The following PELI1 variants were observed in gnomAD, a reference collection of about 807,000 sequenced individuals.
The protein encoded by PELI1 is E3 ubiquitin-protein ligase pellino homolog 1.
PELI1 carries 15 observed loss-of-function variants against 41.3 expected under a neutral mutation model. That is an observed-to-expected ratio of 0.36 (90% confidence interval 0.24 to 0.56). PELI1 has a LOEUF of 0.56. Ranked by LOEUF, PELI1 falls within the 20% of genes least tolerant of loss-of-function variation. The pLI, the probability that PELI1 is intolerant of heterozygous loss-of-function variation, is 0.82. For synonymous variants in PELI1, 178 were observed against 180.1 expected (o/e 0.99, Z 0.09); for missense variants, 403 against 525.5 (o/e 0.77, Z 2.28).
intron 1 of PELI1, among the ~76,000 whole-genome samples, chr2:64,129,309 A>G (rs149674529): frequency 3.3e-5 from 5 of 152,328 alleles, no homozygotes; most frequent in African/African-American, 7.2e-5. Flanking sequence ...TTAGACAGCA[A>G]TAAGTTGTGA....
At position 64,093,944 on chromosome 2, in the gene PELI1, A is replaced by T. The variant is rs897657767; in HGVS notation, c.*758T>A. The T allele has an allele frequency of 6.6e-6, 1 of 152,662 alleles. No individual in the cohort carries two copies. The highest frequency in any genetic ancestry group is 1.5e-5 in the Non-Finnish European group (1 of 68,036). The allele number at this position is 152,662 out of a possible 1,614,324, so 9.5% of individuals were successfully genotyped here. ...CTAGATTAAATTGCATATCCAAAGG[A>T]GCATATAAAATGTTTCTTAGCATTA... is the stretch of plus-strand genomic sequence containing the variant. On this transcript the variant is annotated 3_prime_UTR_variant, in exon 7 of 7. Coordinates refer to ENST00000358912, the MANE Select transcript of PELI1 (RefSeq NM_020651.4).
intron 1 of PELI1, among the ~76,000 whole-genome samples, chr2:64,141,318 G>T (rs1374439104): frequency 1.5e-5 from 1 of 64,942 alleles, no homozygotes; most frequent in East Asian, 6.0e-4. Flanking sequence ...CCACCCCAAA[G>T]GAGCTCCTAA....
intron 1 of PELI1, 29 bp from the exon 2 acceptor site, chr2:64,108,408 G>A (rs952767613): frequency 1.3e-6 from 1 of 749,170 alleles, no homozygotes; most frequent in Non-Finnish European, 2.4e-6. Flanking sequence ...CATTAATAAT[G>A]TGAACAATTC....
Position 64,096,524 on chromosome 2 carries a change from T to C in PELI1, c.390A>G (p.Val130=), listed in dbSNP as rs771406083. 2 of 1,610,906 alleles carry C rather than the reference T, an allele frequency of 1.2e-6. No individual in the cohort carries two copies. The highest frequency in any genetic ancestry group is 2.2e-5 in the South Asian group (2 of 91,012). The part of the protein sequence containing the change: ...GSQSNSDTQS[V]QSTISRFACR... ...AGGCAAATCTTGATATAGTGCTTTG[T>C]ACTGACTGTGTATCAGAATTACTTT... The change falls in exon 5 of 7, where the codon GTA becomes GTG. Residue 130 remains valine (V), a synonymous_variant. Transcript: ENST00000358912.
intron 4 of PELI1, among the ~76,000 whole-genome samples, chr2:64,099,197 CACACAT>C (rs1553354345): frequency 2.0e-5 from 3 of 150,998 alleles, no homozygotes; most frequent in Non-Finnish European, 3.0e-5. Flanking sequence ...CACACACACA[CACACAT>C]ATATATTTAT....
At chr2:64,104,563 A>C in intron 3 of PELI1, 138 bp downstream of exon 3, 1 of 1,306,892 alleles carries the variant, frequency 7.7e-7, no homozygotes. Flanking sequence ...CCATGTCTCC[A>C]AAGTCTCTTC....
In PELI1 at chr2:64,137,964, A is replaced by G. The variant is rs564703167; in HGVS notation, c.-70+6117T>C. Among the ~76,000 whole-genome samples the G allele has an allele frequency of 7.2e-5, 11 of 152,314 alleles. No individual in the cohort carries two copies. In the East Asian group the frequency reaches 1.9e-3, roughly 27 times the overall value. ...CTCTAAAGTATAAGACTTATTTTAGATAAGTGTATAAAATATTTTTCCTTT... is the reference window on the plus strand; with the variant it reads ...CTCTAAAGTATAAGACTTATTTTAGGTAAGTGTATAAAATATTTTTCCTTT... On this transcript the variant is annotated intron_variant, in intron 1 of 6. Coordinates refer to ENST00000358912, the MANE Select transcript of PELI1 (RefSeq NM_020651.4).
intron 1 of PELI1, among the ~76,000 whole-genome samples, chr2:64,122,681 G>A (rs1681262663): frequency 6.6e-6 from 1 of 152,098 alleles, no homozygotes; most frequent in African/African-American, 2.4e-5. Flanking sequence ...TCACGCAGAT[G>A]GCATTTGCTA....
chr2:64,120,526 A>G (rs1681172396), intron 1 of PELI1, among the ~76,000 whole-genome samples: 1 of 152,252 alleles, frequency 6.6e-6, no homozygotes, highest in Non-Finnish European at 1.5e-5. Flanking sequence ...TTCTTTTATT[A>G]AAGTTCTTTA....
chr2:64,135,754 T>C (rs954790491), intron 1 of PELI1, among the ~76,000 whole-genome samples: 13 of 152,202 alleles, frequency 8.5e-5, no homozygotes, highest in African/African-American at 2.7e-4. Context: ...TCATTATTAT[T>C]TCCAAAATTA....
At chr2:64,122,898 T>C (rs1340935688) in intron 1 of PELI1, among the ~76,000 whole-genome samples, 1 of 152,216 alleles carries the variant, frequency 6.6e-6, no homozygotes. Context: ...GTGCAATTTG[T>C]TCAATTTTCC....
intron 2 of PELI1, among the ~76,000 whole-genome samples, chr2:64,107,660 A>T (rs1680664204): frequency 6.6e-6 from 1 of 151,936 alleles, no homozygotes; most frequent in African/African-American, 2.4e-5. Flanking sequence ...CAGTGGATAA[A>T]TAACATTTTT....
At chr2:64,125,776 C>T (rs1681363313) in intron 1 of PELI1, among the ~76,000 whole-genome samples, 1 of 152,210 alleles carries the variant, frequency 6.6e-6, no homozygotes, top group East Asian at 1.9e-4. Context: ...CAACCCGAAT[C>T]TGAATCCGCA....
chr2:64,120,421 A>G (rs1216690728), intron 1 of PELI1, among the ~76,000 whole-genome samples: 1 of 152,274 alleles, frequency 6.6e-6, no homozygotes, highest in East Asian at 1.9e-4. Flanking sequence ...TTAAGTCACA[A>G]GTAAATGCTG....
intron 1 of PELI1, among the ~76,000 whole-genome samples, chr2:64,124,469 A>G (rs1344873165): frequency 6.6e-6 from 1 of 152,202 alleles, no homozygotes. Flanking sequence ...TAAATTTTAA[A>G]AATTCTAGAT....
At chr2:64,118,812 T>C (rs1681105150) in intron 1 of PELI1, among the ~76,000 whole-genome samples, 2 of 152,202 alleles carry the variant, frequency 1.3e-5, no homozygotes, top group Admixed American at 6.5e-5. Flanking sequence ...TGAGAAGATC[T>C]TGGGAAAAGA....
At chr2:64,121,099 G>A (rs1279738970) in intron 1 of PELI1, among the ~76,000 whole-genome samples, 2 of 152,108 alleles carry the variant, frequency 1.3e-5, no homozygotes, top group Non-Finnish European at 2.9e-5. Flanking sequence ...AGGTTACAGC[G>A]AAATAAATCT....
chr2:64,098,885 G>C (rs1680330277), intron 4 of PELI1, among the ~76,000 whole-genome samples: 2 of 152,058 alleles, frequency 1.3e-5, no homozygotes, highest in African/African-American at 4.8e-5. Context: ...CTGTAGAAAG[G>C]GCATAATCAG....
Position 64,113,643 on chromosome 2 carries a change from A to G in PELI1, c.-69-5264T>C, listed in dbSNP as rs369449192. On this transcript the variant is annotated intron_variant, in intron 1 of 6. Transcript: ENST00000358912. ...GAGTTAAAAAAAAATTTTAAAATAA[A>G]CATATTCTGGAATAGTGTTATTTTC... 5.9e-5 allele frequency among the ~76,000 whole-genome samples: 9 copies of G among 152,338 alleles called. No individual in the cohort carries two copies. The East Asian group carries it at 9.6e-4, about 16-fold the overall frequency.
Sources: allele counts gnomAD v4.1 joint callset (sites outside exome capture counted in the v4.1 genomes callset), GRCh38; gene constraint gnomAD v4.1.1; transcripts MANE v1.5; gene names NCBI Gene and HGNC (gene_info 2026-07-23, HGNC 2026-07-21).